Variants in NRXN1 observed in about 807,000 individuals in gnomAD.
NRXN1 encodes the protein neurexin-1.
Under a neutral mutation model 150.9 loss-of-function variants are expected in NRXN1, and 39 were observed. The observed-to-expected ratio is 0.26, with a 90% confidence interval of 0.20 to 0.34. NRXN1 has a LOEUF of 0.34. Ranked by LOEUF, NRXN1 falls within the 10% of genes least tolerant of loss-of-function variation. The pLI is 1.00. For synonymous variants in NRXN1, 924 were observed against 757.0 expected (o/e 1.22, Z -3.62); for missense variants, 1,815 against 1,949.9 (o/e 0.93, Z 1.30).
chr2:50,774,655 C>T (rs567252426), intron 5 of NRXN1, among the ~76,000 whole-genome samples: 1 of 152,138 alleles, frequency 6.6e-6, no homozygotes, highest in South Asian at 2.1e-4. Flanking sequence ...TATTTCATGA[C>T]ATAATATTAG....
At chr2:50,642,647 G>A (rs904278182) in intron 5 of NRXN1, among the ~76,000 whole-genome samples, 1 of 151,938 alleles carries the variant, frequency 6.6e-6, no homozygotes, top group Non-Finnish European at 1.5e-5. Context: ...TGGATTTAGG[G>A]ACAATTGCAT....
At chr2:50,594,738 T>C (rs1251407584) in intron 8 of NRXN1, among the ~76,000 whole-genome samples, 1 of 152,176 alleles carries the variant, frequency 6.6e-6, no homozygotes, top group East Asian at 1.9e-4. Flanking sequence ...AACAGCATTT[T>C]GAATCCTATA....
chr2:50,185,319 A>C lies in NRXN1; in HGVS notation c.3546+51470T>G, dbSNP rs551136427. 1.6e-4 allele frequency among the ~76,000 whole-genome samples: 25 copies of C among 152,208 alleles called. 1 individual carries two copies. The South Asian group carries it at 5.2e-3, about 32-fold the overall frequency. The stretch of plus-strand genomic sequence containing the variant: ...AGTATAGAATGGTGTTTAAGAGCAC[A>C]AACTCAGGAGTTAAATCTCCTGGGT... On this transcript the variant is annotated intron_variant, in intron 18 of 22. Coordinates refer to ENST00000401669, the MANE Select transcript of NRXN1 (RefSeq NM_001330078.2).
intron 18 of NRXN1, among the ~76,000 whole-genome samples, chr2:50,168,552 T>C (rs2059824632): frequency 6.6e-6 from 1 of 152,212 alleles, no homozygotes; most frequent in Non-Finnish European, 1.5e-5. Flanking sequence ...AACTTAGTTT[T>C]TTTCATCTTA....
intron 21 of NRXN1, among the ~76,000 whole-genome samples, chr2:50,021,130 A>C (rs993882746): frequency 6.6e-6 from 1 of 152,212 alleles, no homozygotes; most frequent in Non-Finnish European, 1.5e-5. Context: ...GTTGAATTCC[A>C]GTAAGCACTT....
intron 5 of NRXN1, among the ~76,000 whole-genome samples, chr2:50,817,654 C>T (rs1387559653): frequency 2.6e-5 from 4 of 152,006 alleles, no homozygotes; most frequent in Non-Finnish European, 5.9e-5. Context: ...AAGTATCATA[C>T]ATCATGACGA....
intron 2 of NRXN1, among the ~76,000 whole-genome samples, chr2:50,953,591 T>TG (rs1186700631): frequency 2.0e-5 from 3 of 151,612 alleles, no homozygotes; most frequent in African/African-American, 7.3e-5. Flanking sequence ...AAGTCTCGCT[T>TG]TGTCACCCAG....
chr2:50,974,339 G>C (rs1695493340), intron 2 of NRXN1, among the ~76,000 whole-genome samples: 1 of 152,096 alleles, frequency 6.6e-6, no homozygotes, highest in Non-Finnish European at 1.5e-5. Context: ...AGATCTTTAG[G>C]CCTGAAAGGC....
intron 3 of NRXN1, among the ~76,000 whole-genome samples, chr2:50,924,190 T>C (rs62142984): frequency 0.075 from 11,447 of 151,858 alleles, 488 homozygotes; most frequent in South Asian, 0.12. Context: ...TTAGAAAATA[T>C]ATTAGGTACT....
chr2:50,787,320 G>A (rs1705262970), intron 5 of NRXN1, among the ~76,000 whole-genome samples: 1 of 152,032 alleles, frequency 6.6e-6, no homozygotes, highest in Admixed American at 6.6e-5. Context: ...AACACTTTGG[G>A]AGGCCGAGGT....
chr2:50,746,789 C>G (rs1700080090), intron 5 of NRXN1, among the ~76,000 whole-genome samples: 1 of 152,064 alleles, frequency 6.6e-6, no homozygotes, highest in Non-Finnish European at 1.5e-5. Context: ...AAGGGCGGGA[C>G]CAAATTCTCC....
intron 5 of NRXN1, among the ~76,000 whole-genome samples, chr2:50,863,332 G>C (rs1211756482): frequency 6.6e-6 from 1 of 151,986 alleles, no homozygotes; most frequent in African/African-American, 2.4e-5. Context: ...GCAATTTCAG[G>C]TCTGGACTGC....
intron 17 of NRXN1, among the ~76,000 whole-genome samples, chr2:50,349,716 A>C (rs1249147656): frequency 2.0e-5 from 3 of 152,214 alleles, no homozygotes; most frequent in African/African-American, 7.2e-5. Flanking sequence ...GGTGTTCTTT[A>C]AAATATGTCA....
At chr2:50,432,303 T>C (rs2085037883) in intron 17 of NRXN1, 1 of 152,218 alleles carries the variant, frequency 6.6e-6, no homozygotes, top group Non-Finnish European at 1.5e-5. Flanking sequence ...CTTTAATGCC[T>C]TTATTCTCTT....
chr2:50,531,195 T>C, intron 11 of NRXN1, 32 bp downstream of exon 11: 2 of 1,570,426 alleles, frequency 1.3e-6, no homozygotes, highest in Non-Finnish European at 1.7e-6. Context: ...AGTAAAAAAG[T>C]GTTAGTTCAA....
At chr2:50,683,762 T>C (rs940263650) in intron 5 of NRXN1, among the ~76,000 whole-genome samples, 1 of 148,588 alleles carries the variant, frequency 6.7e-6, no homozygotes, top group African/African-American at 2.5e-5. Context: ...GGACTGACTG[T>C]ATTACAGCAC....
intron 5 of NRXN1, among the ~76,000 whole-genome samples, chr2:50,844,948 G>C (rs1386982148): frequency 2.0e-5 from 3 of 151,970 alleles, no homozygotes; most frequent in Non-Finnish European, 2.9e-5. Context: ...CGACTTGCCA[G>C]GCTCAAGCTA....
intron 5 of NRXN1, among the ~76,000 whole-genome samples, chr2:50,698,230 T>G (rs184492643): frequency 6.6e-6 from 1 of 152,316 alleles, no homozygotes; most frequent in Admixed American, 6.5e-5. Flanking sequence ...AGTCCTCAAA[T>G]GTTGTCCAAG....
chr2:50,647,191 A>C (rs1684951310), intron 5 of NRXN1, among the ~76,000 whole-genome samples: 1 of 151,912 alleles, frequency 6.6e-6, no homozygotes, highest in African/African-American at 2.4e-5. Flanking sequence ...GTCTTGAAGA[A>C]GAAAAAAAGC....
Sources: gnomAD v4.1 joint callset for allele counts (sites outside exome capture counted in the v4.1 genomes callset) on GRCh38, gnomAD v4.1.1 for gene constraint, MANE v1.5 for transcripts, NCBI Gene and HGNC (gene_info 2026-07-23, HGNC 2026-07-21) for gene names.